The following CHAF1A variants were observed in gnomAD, a reference collection of about 807,000 sequenced individuals.
CHAF1A encodes the protein chromatin assembly factor 1 subunit A, also known as CAF-1 subunit A.
A neutral mutation model predicts 93.2 loss-of-function variants in CHAF1A; 5 were observed. The ratio of observed to expected loss-of-function variants is 0.05; its 90% CI spans 0.03 to 0.11. The LOEUF is 0.11. CHAF1A is among the 10% of genes least tolerant of loss of function. The pLI, the probability that CHAF1A is intolerant of heterozygous loss-of-function variation, is 1.00. For synonymous variants in CHAF1A, 504 were observed against 510.3 expected (o/e 0.99, Z 0.17); for missense variants, 1,102 against 1,259.9 (o/e 0.87, Z 1.90).
downstream of CHAF1A, chr19:4,445,238 C>T: frequency 2.1e-6 from 1 of 475,198 alleles, no homozygotes; most frequent in Non-Finnish European, 3.8e-6. Context: ...ACACAGTTAC[C>T]AAGCAGCTAG....
At chr19:4,437,745 A>AT (rs1974311482) in intron 13 of CHAF1A, among the ~76,000 whole-genome samples, 2 of 149,868 alleles carry the variant, frequency 1.3e-5, no homozygotes, top group African/African-American at 2.5e-5. Flanking sequence ...TTTTTATTTT[A>AT]TTTTATTTTA....
intron 13 of CHAF1A, among the ~76,000 whole-genome samples, chr19:4,440,335 G>A (rs897223088): frequency 2.6e-5 from 4 of 151,790 alleles, no homozygotes; most frequent in Non-Finnish European, 5.9e-5. Context: ...GGTCAGGTGC[G>A]GTGGCTCACA....
At chr19:4,418,677 A>G (rs994616754) in intron 4 of CHAF1A, among the ~76,000 whole-genome samples, 2 of 151,940 alleles carry the variant, frequency 1.3e-5, no homozygotes, top group Non-Finnish European at 2.9e-5. Context: ...GGCCTCCCAG[A>G]GTGCTGGGAT....
chr19:4,414,016 A>G (rs1347870970), intron 3 of CHAF1A, among the ~76,000 whole-genome samples: 3 of 152,184 alleles, frequency 2.0e-5, no homozygotes, highest in African/African-American at 7.2e-5. Context: ...CAGTTGTGTT[A>G]CTGGAATCTT....
chr19:4,410,449 C>T (rs982832840), intron 3 of CHAF1A, among the ~76,000 whole-genome samples: 4 of 149,914 alleles, frequency 2.7e-5, no homozygotes, highest in African/African-American at 4.9e-5. Context: ...GGCGTGATCT[C>T]GGCTCACTGC....
intron 3 of CHAF1A, among the ~76,000 whole-genome samples, chr19:4,416,556 G>C (rs1199717013): frequency 6.6e-6 from 1 of 152,160 alleles, no homozygotes; most frequent in African/African-American, 2.4e-5. Flanking sequence ...GAAAACCCCA[G>C]CAAGTTTCCC....
chr19:4,416,029 C>T (rs1168473416), intron 3 of CHAF1A, among the ~76,000 whole-genome samples: 1 of 152,048 alleles, frequency 6.6e-6, no homozygotes, highest in African/African-American at 2.4e-5. Context: ...AAAAAATTAC[C>T]CAGGCATGGT....
chr19:4,440,984 G>C (rs1245602334), intron 13 of CHAF1A, among the ~76,000 whole-genome samples: 3 of 145,198 alleles, frequency 2.1e-5, no homozygotes, highest in African/African-American at 5.1e-5. Flanking sequence ...GCTGGGCGTA[G>C]TGGCGGGCAC....
rs767334718 is a variant in CHAF1A at position 4,409,582 on chromosome 19, A to C, written c.783A>C (p.Gln261His). The change falls in exon 3 of 15, where the codon CAA becomes CAC. Residue 261 changes from glutamine to histidine, a missense_variant. By Grantham distance (24) the Gln-to-His change is conservative (BLOSUM62 0). This residue lies in a region of CHAF1A where 379 missense variants were observed against 365.7 expected (regional missense o/e 1.04). Transcript: ENST00000301280. ...PQIKSLPATP[Q>H]GKNMTPESEV... ...TCAAGTCCCTTCCAGCCACACCCCAAGGCAAGAACATGACCCCTGAGAGTG... is the reference window on the plus strand; with the variant it reads ...TCAAGTCCCTTCCAGCCACACCCCACGGCAAGAACATGACCCCTGAGAGTG... The C allele has an allele frequency of 5.0e-6, 8 of 1,614,010 alleles. No homozygotes were observed. The highest frequency in any genetic ancestry group is 6.8e-6 in the Non-Finnish European group (8 of 1,180,008).
At chr19:4,442,880 C>T in intron 14 of CHAF1A, 45 bp from the exon 15 acceptor site, 1 of 1,426,678 alleles carries the variant, frequency 7.0e-7, no homozygotes, top group South Asian at 1.4e-5. Flanking sequence ...CCAGGGAGCC[C>T]AGAGGGCCCA....
chr19:4,413,061 CCTAA>C (rs1357098024), intron 3 of CHAF1A, among the ~76,000 whole-genome samples: 3 of 152,000 alleles, frequency 2.0e-5, no homozygotes, highest in African/African-American at 7.2e-5. Context: ...ATAGTTGGTA[CCTAA>C]CTCTTTTTTA....
chr19:4,416,839 C>T (rs1973904606), intron 3 of CHAF1A, among the ~76,000 whole-genome samples: 2 of 151,996 alleles, frequency 1.3e-5, no homozygotes, highest in Non-Finnish European at 2.9e-5. Flanking sequence ...TGCAGTGAGC[C>T]GAGATCGTGG....
At chr19:4,418,758 A>G (rs1272747352) in intron 4 of CHAF1A, among the ~76,000 whole-genome samples, 2 of 151,970 alleles carry the variant, frequency 1.3e-5, no homozygotes, top group Non-Finnish European at 2.9e-5. Flanking sequence ...TAACATCTGA[A>G]TAGCCTCTAC....
downstream of CHAF1A, chr19:4,448,450 A>G: frequency 6.4e-7 from 1 of 1,560,176 alleles, no homozygotes; most frequent in Non-Finnish European, 8.7e-7. Context: ...CCACTCACTG[A>G]GAGCCCGGGC....
At chr19:4,440,104 G>A (rs1974357893) in intron 13 of CHAF1A, among the ~76,000 whole-genome samples, 1 of 152,202 alleles carries the variant, frequency 6.6e-6, no homozygotes, top group Non-Finnish European at 1.5e-5. Context: ...CCGTTGTGTT[G>A]CTGTGCGGTC....
At chr19:4,411,841 G>T (rs1437024378) in intron 3 of CHAF1A, among the ~76,000 whole-genome samples, 1 of 151,446 alleles carries the variant, frequency 6.6e-6, no homozygotes, top group Non-Finnish European at 1.5e-5. Flanking sequence ...GTAGAGACGG[G>T]TTTCACCATG....
downstream of CHAF1A, chr19:4,446,250 G>A (rs376542939): frequency 6.9e-5 from 108 of 1,571,006 alleles, no homozygotes; most frequent in African/African-American, 8.1e-5. Flanking sequence ...CTACCAACCC[G>A]AGCCGCCCTC....
chr19:4,448,105 A>G, downstream of CHAF1A: 1 of 594,546 alleles, frequency 1.7e-6, no homozygotes, highest in Non-Finnish European at 3.0e-6. Context: ...GATTCCTTCA[A>G]CACCTTCATT....
downstream of CHAF1A, among the ~76,000 whole-genome samples, chr19:4,443,743 G>T (rs1974442550): frequency 1.3e-5 from 2 of 152,272 alleles, no homozygotes; most frequent in South Asian, 4.1e-4. Flanking sequence ...CAGGTCAGGT[G>T]CATCTTTTGC....
Sources: gnomAD v4.1 joint callset for allele counts (sites outside exome capture counted in the v4.1 genomes callset) on GRCh38, gnomAD v4.1.1 for gene constraint, gnomAD v4.1.1 regional missense constraint, MANE v1.5 for transcripts, NCBI Gene and HGNC (gene_info 2026-07-23, HGNC 2026-07-21) for gene names.